Variants in TRIOBP observed in about 807,000 individuals in gnomAD.
TRIOBP encodes TRIO and F-actin binding protein.
Under a neutral mutation model 238.8 loss-of-function variants are expected in TRIOBP, and 169 were observed. That is an observed-to-expected ratio of 0.71 (90% CI 0.62 to 0.80). The LOEUF is 0.80. Ranked by LOEUF, TRIOBP falls within the 30% of genes least tolerant of loss-of-function variation. TRIOBP has a pLI of 0.00. For synonymous variants in TRIOBP, 1,150 were observed against 1,274.4 expected (o/e 0.90, Z 2.08); for missense variants, 2,838 against 3,122.6 (o/e 0.91, Z 2.17).
In TRIOBP at chr22:37,725,648, G is replaced by A. The variant is rs199713626; in HGVS notation, c.3092G>A (p.Arg1031His). 1.4e-5 allele frequency: 22 copies of A among 1,612,670 alleles called. No homozygotes were observed. Among genetic ancestry groups the A allele is most frequent in the South Asian group, 9.9e-5 (9 of 91,032 alleles). Reference protein sequence around the residue: ...RDAPRASSPPRYLQHDPFPFF... With the variant: ...RDAPRASSPPHYLQHDPFPFF... ...GCCCCTCGAGCCTCTTCGCCCCCTC[G>A]CTATTTGCAGCACGACCCCTTCCCC... The change falls in exon 7 of 24, where the codon CGC becomes CAC. Residue 1031 changes from arginine to histidine, a missense_variant. This residue lies in a region of TRIOBP where 2,096 missense variants were observed against 2,137.4 expected (regional missense o/e 0.98). Transcript: ENST00000644935.
At chr22:37,726,803 A>G (rs1924191751) in intron 7 of TRIOBP, among the ~76,000 whole-genome samples, 1 of 152,162 alleles carries the variant, frequency 6.6e-6, no homozygotes, top group Non-Finnish European at 1.5e-5. Flanking sequence ...GTATGACCTG[A>G]TATAGTGAGT....
chr22:37,757,472 C>T, intron 15 of TRIOBP, 141 bp from the exon 16 acceptor site: 1 of 1,171,276 alleles, frequency 8.5e-7, no homozygotes, highest in Non-Finnish European at 1.2e-6. Flanking sequence ...AACCAGGAAG[C>T]TCAGGTCGGG....
At chr22:37,699,982 G>C (rs1417633874) in intron 2 of TRIOBP, among the ~76,000 whole-genome samples, 1 of 152,072 alleles carries the variant, frequency 6.6e-6, no homozygotes, top group African/African-American at 2.4e-5. Context: ...AGGTTCAAGC[G>C]ATTCTCGTGC....
chr22:37,700,598 G>A (rs1922594340), intron 2 of TRIOBP, among the ~76,000 whole-genome samples: 1 of 151,940 alleles, frequency 6.6e-6, no homozygotes, highest in Admixed American at 6.6e-5. Flanking sequence ...TGTATTTTTT[G>A]TAGAGACGGA....
intron 3 of TRIOBP, among the ~76,000 whole-genome samples, chr22:37,707,598 C>T (rs1203600225): frequency 2.0e-5 from 3 of 151,900 alleles, no homozygotes; most frequent in East Asian, 1.9e-4. Context: ...TTGCCTCTAG[C>T]TTTAGGTCAA....
intron 15 of TRIOBP, among the ~76,000 whole-genome samples, chr22:37,756,850 A>T (rs1179111494): frequency 2.0e-5 from 3 of 152,056 alleles, no homozygotes; most frequent in Non-Finnish European, 4.4e-5. Context: ...TGTTCTGTGC[A>T]CCCCGAGGTC....
At chr22:37,739,436 C>T (rs935977930) in intron 10 of TRIOBP, among the ~76,000 whole-genome samples, 2 of 9,232 alleles carry the variant, frequency 2.2e-4, no homozygotes, top group South Asian at 0.031. Context: ...GGCAGCATAG[C>T]GCCCCCCAAG....
rs549952554 is a variant in TRIOBP at position 37,699,259 on chromosome 22, G to A, written c.-61+1563G>A. On this transcript the variant is annotated intron_variant, in intron 2 of 23. Coordinates refer to ENST00000644935, the MANE Select transcript of TRIOBP (RefSeq NM_001039141.3). The stretch of plus-strand genomic sequence containing the variant: ...GCTGTTCACGTTTGTCAAAGACGTC[G>A]TCCTCAACTCTGAAAATACCTGGCC... Among the ~76,000 whole-genome samples the A allele has an allele frequency of 5.9e-5, 9 of 152,106 alleles. No homozygotes were observed. In the South Asian group the frequency reaches 6.2e-4, roughly 11 times the overall value.
intron 11 of TRIOBP, chr22:37,746,244 G>T: frequency 9.2e-7 from 1 of 1,088,900 alleles, no homozygotes; most frequent in Non-Finnish European, 1.1e-6. Flanking sequence ...TTTTATGGGC[G>T]GATGGAAGGG....
chr22:37,740,835 C>G, intron 10 of TRIOBP, 60 bp from the exon 11 acceptor site: 1 of 1,550,948 alleles, frequency 6.4e-7, no homozygotes, highest in Non-Finnish European at 8.7e-7. Context: ...GAGGCTGTAG[C>G]CAGGGGTGCC....
rs183727680 is a variant in TRIOBP, at chr22:37,711,565, C to T, written c.254+999C>T. ...TTACACTCCAGCCTGGGTGACACAG[C>T]GAGGCTCCGTCTCAAAAAAAAAAAA... On this transcript the variant is annotated intron_variant, in intron 4 of 23. Transcript: ENST00000644935. Among the ~76,000 whole-genome samples the T allele has an allele frequency of 2.7e-4, 36 of 132,160 alleles. No homozygotes were observed. The East Asian group carries it at 6.2e-3, about 23-fold the overall frequency. 86.7% of individuals were successfully genotyped at this position (132,160 alleles called of 152,430 possible).
intron 11 of TRIOBP, 179 bp from the exon 12 acceptor site, chr22:37,751,593 A>G (rs1925607758): frequency 1.5e-6 from 1 of 664,396 alleles, no homozygotes; most frequent in Non-Finnish European, 2.7e-6. Context: ...GGGCTGCCTC[A>G]GTGGCTGGGA....
chr22:37,755,009 A>G, intron 13 of TRIOBP, 25 bp downstream of exon 13: 2 of 1,612,758 alleles, frequency 1.2e-6, no homozygotes, highest in South Asian at 1.1e-5. Context: ...GTACTGATGA[A>G]CCCCCGGAAG....
chr22:37,735,498 A>G (rs376715249), intron 9 of TRIOBP, 56 bp downstream of exon 9: 15 of 1,535,096 alleles, frequency 9.8e-6, no homozygotes, highest in Non-Finnish European at 1.3e-5. Context: ...CACTCAGCCA[A>G]GTCTCCTTGG....
chr22:37,762,710 GAGA>G (rs1444797986), intron 17 of TRIOBP, among the ~76,000 whole-genome samples: 1 of 152,324 alleles, frequency 6.6e-6, no homozygotes, highest in East Asian at 1.9e-4. Flanking sequence ...GAAGGCAGCA[GAGA>G]AGAAGAGCTG....
chr22:37,753,232 G>A (rs1249542568), intron 12 of TRIOBP, among the ~76,000 whole-genome samples: 10 of 151,994 alleles, frequency 6.6e-5, no homozygotes, highest in Non-Finnish European at 1.0e-4. Flanking sequence ...GGCGCCGCTC[G>A]CCTCACCAGA....
intron 8 of TRIOBP, 48 bp from the exon 9 acceptor site, chr22:37,734,351 C>A: frequency 5.8e-6 from 9 of 1,552,698 alleles, no homozygotes; most frequent in Non-Finnish European, 8.0e-6. Context: ...AGCTGGCAGC[C>A]AGGTCCCCAG....
chr22:37,767,865 C>T (rs866010741), intron 18 of TRIOBP, among the ~76,000 whole-genome samples: 1 of 152,182 alleles, frequency 6.6e-6, no homozygotes, highest in Non-Finnish European at 1.5e-5. Flanking sequence ...CCCCAAGCCA[C>T]TCAGTTTATG....
intron 11 of TRIOBP, among the ~76,000 whole-genome samples, chr22:37,744,104 G>A (rs903462803): frequency 6.6e-6 from 1 of 150,946 alleles, no homozygotes; most frequent in African/African-American, 2.4e-5. Flanking sequence ...CGCCTCCCAG[G>A]TTCCAGCGAT....
Sources: allele counts gnomAD v4.1 joint callset (sites outside exome capture counted in the v4.1 genomes callset), GRCh38; gene constraint gnomAD v4.1.1; regional missense constraint gnomAD v4.1.1; transcripts MANE v1.5; gene names NCBI Gene and HGNC (gene_info 2026-07-23, HGNC 2026-07-21).